RANBP9: variants seen among roughly 807,000 people sequenced by gnomAD.
RANBP9 encodes the protein ran-binding protein 9.
In RANBP9, 15 loss-of-function variants were observed where a neutral mutation model predicts 84.3. The ratio of observed to expected loss-of-function variants is 0.18; its 90% CI spans 0.12 to 0.27. RANBP9 has a LOEUF of 0.27. Among genes scored for constraint, RANBP9 ranks in the 10% least tolerant of loss-of-function variants. The pLI is 1.00. For synonymous variants in RANBP9, 392 were observed against 349.6 expected (o/e 1.12, Z -1.35); for missense variants, 809 against 912.8 (o/e 0.89, Z 1.46).
At position 13,657,119 on chromosome 6, in the gene RANBP9, T is replaced by C; in HGVS notation, c.894A>G (p.Gly298=). 3 of 1,609,816 alleles carry C rather than the reference T, an allele frequency of 1.9e-6. No homozygotes were observed. Among genetic ancestry groups the C allele is most frequent in the Non-Finnish European group, 2.5e-6 (3 of 1,177,558 alleles). Residue 298 remains glycine (G), a synonymous_variant, in exon 4 of 14, where the codon GGA becomes GGG. Coordinates refer to ENST00000011619, the MANE Select transcript of RANBP9 (RefSeq NM_005493.3). The part of the protein sequence containing the change: ...INNTCFYTKN[G]HSLGIAFTDL... ...ATATTATCTCAGTACCTAAACTATG[T>C]CCATTCTTGGTGTAAAAGCAGGTAT...
In RANBP9 at chr6:13,704,044, T is replaced by C. The variant is rs143683801; in HGVS notation, c.571+6891A>G. On this transcript the variant is annotated intron_variant, in intron 1 of 13. Coordinates refer to ENST00000011619, the MANE Select transcript of RANBP9 (RefSeq NM_005493.3). ...AAACATTTTCTTTGATTTCTCTCAC[T>C]ATCATTCCTCATATCCTCTCAGTAT... Among the ~76,000 whole-genome samples the C allele has an allele frequency of 9.3e-3, 1,424 of 152,330 alleles. 25 individuals carry two copies. The highest frequency in any genetic ancestry group is 0.033 in the African/African-American group (1,356 of 41,578).
At chr6:13,699,969 T>C (rs949716725) in intron 1 of RANBP9, among the ~76,000 whole-genome samples, 2 of 152,226 alleles carry the variant, frequency 1.3e-5, no homozygotes, top group Admixed American at 6.5e-5. Context: ...TTTCTAACAA[T>C]GCTCATCACC....
chr6:13,692,539 A>AAC (rs1766349242), intron 2 of RANBP9, among the ~76,000 whole-genome samples: 1 of 146,984 alleles, frequency 6.8e-6, no homozygotes, highest in Non-Finnish European at 1.5e-5. Context: ...AAAAAAAAAA[A>AAC]AAAAAAAAAA....
chr6:13,628,886 A>C (rs958460650), intron 12 of RANBP9, among the ~76,000 whole-genome samples: 1 of 152,228 alleles, frequency 6.6e-6, no homozygotes, highest in Non-Finnish European at 1.5e-5. Flanking sequence ...AAAGTTGGTA[A>C]AGGGTTTCTG....
intron 2 of RANBP9, among the ~76,000 whole-genome samples, chr6:13,659,290 ACACACG>A (rs1172394055): frequency 4.0e-5 from 6 of 150,536 alleles, no homozygotes; most frequent in African/African-American, 1.2e-4. Context: ...ACACACACAC[ACACACG>A]GAAATATGGA....
rs1038996513 is a variant in RANBP9 at position 13,641,764 on chromosome 6, G to T, written c.1226-457C>A. On this transcript the variant is annotated intron_variant, in intron 7 of 13. Transcript: ENST00000011619. Reference sequence around the variant, plus strand: ...ATTAGATGATAAGGATACAAAATGAGTAAGTGATCTCTGTTCAACAGAGCT... The same window carrying T: ...ATTAGATGATAAGGATACAAAATGATTAAGTGATCTCTGTTCAACAGAGCT... Among the ~76,000 whole-genome samples the T allele has an allele frequency of 2.6e-5, 4 of 152,302 alleles. No individual in the cohort carries two copies. In the South Asian group the frequency reaches 8.3e-4, roughly 32 times the overall value.
In RANBP9 at chr6:13,658,751, A is replaced by G. The variant is rs750636930; in HGVS notation, c.736+29T>C. The G allele has an allele frequency of 3.3e-6, 5 of 1,516,804 alleles. No homozygotes were observed. The East Asian group carries it at 9.0e-5, about 27-fold the overall frequency. The allele number at this position is 1,516,804 out of a possible 1,614,324, so 94.0% of individuals were successfully genotyped here. A position where few individuals can be genotyped will look rare whatever the true frequency, so the allele number is the denominator to read the frequency against. On this transcript the variant is annotated intron_variant, in intron 3 of 13. Transcript: ENST00000011619. ...AACCAGAAAGAGCTACTCATAAGAC[A>G]TAATACTGTAATTCAATTACAAGTG... is the stretch of plus-strand genomic sequence containing the variant.
At chr6:13,649,437 G>A (rs1398575971) in intron 5 of RANBP9, among the ~76,000 whole-genome samples, 6 of 138,714 alleles carry the variant, frequency 4.3e-5, no homozygotes, top group Non-Finnish European at 1.5e-5. Flanking sequence ...AGCTCACGCT[G>A]ACTAGTTGCT....
intron 2 of RANBP9, among the ~76,000 whole-genome samples, chr6:13,695,413 T>TG (rs1352665105): frequency 4.0e-5 from 6 of 150,946 alleles, no homozygotes; most frequent in Admixed American, 1.3e-4. Flanking sequence ...TTTTTTTTTT[T>TG]TTTTTTTTTT....
chr6:13,657,068 C>CT (rs772759184), intron 4 of RANBP9, 41 bp downstream of exon 4: 2 of 1,505,318 alleles, frequency 1.3e-6, no homozygotes, highest in East Asian at 4.7e-5. Context: ...ATAATAATCT[C>CT]CATATTTGGT....
intron 2 of RANBP9, among the ~76,000 whole-genome samples, chr6:13,696,486 G>A (rs187822937): frequency 7.3e-4 from 111 of 152,188 alleles, no homozygotes; most frequent in African/African-American, 2.5e-3. Flanking sequence ...CAGAATTCAC[G>A]AAAAAGCAGT....
intron 8 of RANBP9, among the ~76,000 whole-genome samples, chr6:13,639,991 T>C (rs1765027236): frequency 6.6e-6 from 1 of 152,128 alleles, no homozygotes; most frequent in African/African-American, 2.4e-5. Context: ...TTAATCAGGA[T>C]TTACCAAATG....
rs1400023971 is a variant in RANBP9, at chr6:13,659,261, C to CACACACACACACAT, written c.684-430_684-429insATGTGTGTGTGTGT. Among the ~76,000 whole-genome samples, 3 of 86,288 alleles carry CACACACACACACAT rather than the reference C, an allele frequency of 3.5e-5. No homozygotes were observed. In the East Asian group the frequency reaches 8.9e-4, roughly 26 times the overall value. The allele number at this position is 86,288 out of a possible 152,430, so 56.6% of individuals were successfully genotyped here. A position where few individuals can be genotyped will look rare whatever the true frequency, so the allele number is the denominator to read the frequency against. On this transcript the variant is annotated intron_variant, in intron 2 of 13. Transcript: ENST00000011619. ...TAGACCCCACACACACACACATACA[C>CACACACACACACAT]ACACACACACACACACACACACACA... is the stretch of plus-strand genomic sequence containing the variant.
chr6:13,706,002 T>G (rs1758107222), intron 1 of RANBP9, among the ~76,000 whole-genome samples: 1 of 152,118 alleles, frequency 6.6e-6, no homozygotes, highest in Non-Finnish European at 1.5e-5. Context: ...GCAATTATAT[T>G]TAGGAAGTGT....
In RANBP9 at chr6:13,660,710, A is replaced by C. The variant is rs528940876; in HGVS notation, c.684-1878T>G. On this transcript the variant is annotated intron_variant, in intron 2 of 13. Coordinates refer to ENST00000011619, the MANE Select transcript of RANBP9 (RefSeq NM_005493.3). ...GAAAACTCAGAGTTTTCCCTACTAG[A>C]AATTAAAACTCAGATTCACAAGAGC... 3.9e-5 allele frequency among the ~76,000 whole-genome samples: 6 copies of C among 152,316 alleles called. No individual in the cohort carries two copies. The South Asian group carries it at 1.2e-3, about 32-fold the overall frequency.
intron 12 of RANBP9, among the ~76,000 whole-genome samples, chr6:13,630,886 G>A (rs1210340965): frequency 6.6e-6 from 1 of 151,728 alleles, no homozygotes; most frequent in African/African-American, 2.4e-5. Context: ...TGTTGCACAG[G>A]CTGAACCTGA....
intron 5 of RANBP9, among the ~76,000 whole-genome samples, chr6:13,651,590 C>T (rs888405668): frequency 2.6e-5 from 4 of 151,470 alleles, no homozygotes; most frequent in South Asian, 2.1e-4. Flanking sequence ...TTAGTAGAGA[C>T]GGGGGTTCAC....
intron 9 of RANBP9, 54 bp downstream of exon 9, chr6:13,639,509 T>C: frequency 2.0e-6 from 3 of 1,517,110 alleles, no homozygotes; most frequent in Non-Finnish European, 2.7e-6. Flanking sequence ...AGGAAAAAGG[T>C]TTAAGATTAT....
intron 2 of RANBP9, among the ~76,000 whole-genome samples, chr6:13,659,680 G>T (rs1423773925): frequency 6.6e-6 from 1 of 152,078 alleles, no homozygotes; most frequent in Non-Finnish European, 1.5e-5. Context: ...TGTTATCAAG[G>T]TTTTAAATGG....
Sources: gnomAD v4.1 joint callset for allele counts (sites outside exome capture counted in the v4.1 genomes callset) on GRCh38, gnomAD v4.1.1 for gene constraint, MANE v1.5 for transcripts, NCBI Gene and HGNC (gene_info 2026-07-23, HGNC 2026-07-21) for gene names.